The following CAST variants were observed in gnomAD, a reference collection of about 807,000 sequenced individuals.
CAST encodes the protein calpastatin.
A neutral mutation model predicts 119.6 loss-of-function variants in CAST; 76 were observed. That is an observed-to-expected ratio of 0.64 (90% CI 0.53 to 0.77). The LOEUF (loss-of-function observed/expected upper bound fraction) is 0.77. CAST is among the 30% of genes least tolerant of loss of function. CAST has a pLI of 0.00. For missense variants in CAST, 953 were observed against 946.5 expected (o/e 1.01, Z -0.09); for synonymous variants, 319 against 331.6 (o/e 0.96, Z 0.41).
chr5:96,738,990 C>T (rs1231699710), intron 11 of CAST, among the ~76,000 whole-genome samples: 1 of 147,620 alleles, frequency 6.8e-6, no homozygotes, highest in African/African-American at 2.5e-5. Flanking sequence ...TTGCAACAGA[C>T]ATAACAAAGG....
intron 16 of CAST, 108 bp downstream of exon 16, chr5:96,742,864 GTGAGCATTCTTCA>G: frequency 2.6e-6 from 2 of 780,666 alleles, no homozygotes; most frequent in Non-Finnish European, 4.4e-6. Flanking sequence ...GAGAGTAAAA[GTGAGCATTCTTCA>G]TTGTGCCTTA....
At chr5:96,754,267 T>C (rs1423204532) in intron 21 of CAST, 106 bp downstream of exon 21, 3 of 762,768 alleles carry the variant, frequency 3.9e-6, no homozygotes, top group Non-Finnish European at 6.9e-6. Flanking sequence ...CTGTAAAACA[T>C]GACCAGCTGG....
At chr5:96,123,418 CT>C in the CAST span, among the ~76,000 whole-genome samples, 1 of 152,100 alleles carries the variant, frequency 6.6e-6, no homozygotes, top group Non-Finnish European at 1.5e-5. Flanking sequence ...AAAAAATTGT[CT>C]TCCTGAAGGC....
the CAST span, among the ~76,000 whole-genome samples, chr5:96,469,919 A>G: frequency 3.5e-5 from 5 of 143,376 alleles, no homozygotes; most frequent in Non-Finnish European, 6.3e-5. Flanking sequence ...GTTTGTATAA[A>G]TTGTCCAAGG....
the CAST span, chr5:96,410,794 C>G: frequency 1.9e-6 from 3 of 1,613,964 alleles, no homozygotes; most frequent in Non-Finnish European, 2.5e-6. Flanking sequence ...TCGGTGTAAT[C>G]TCCGCTGCTG....
chr5:96,086,780 A>G, the CAST span, among the ~76,000 whole-genome samples: 4 of 152,134 alleles, frequency 2.6e-5, no homozygotes, highest in African/African-American at 9.7e-5. Flanking sequence ...GACTTTTGAG[A>G]TCACTTCTAC....
Position 96,565,473 on chromosome 5 carries a change from C to T in CAST, c.60+35593C>T, listed in dbSNP as rs1008759360. On this transcript the variant is annotated intron_variant, in intron 1 of 11. Coordinates refer to the CAST transcript ENST00000505143. ...GCATTTATTCATACACCCTTTTTCC[C>T]TCCTTATTGGACACATCCCCAAATC... 2.6e-5 allele frequency among the ~76,000 whole-genome samples: 4 copies of T among 152,116 alleles called. No individual in the cohort carries two copies. In the South Asian group the frequency reaches 8.3e-4, roughly 32 times the overall value.
intron 2 of CAST, among the ~76,000 whole-genome samples, chr5:96,683,252 A>G (rs1435216046): frequency 6.6e-6 from 1 of 152,118 alleles, no homozygotes; most frequent in East Asian, 1.9e-4. Flanking sequence ...TGGTTCACCA[A>G]TTGTGCTTTT....
rs866064405 is a variant in CAST at position 96,534,739 on chromosome 5, G to A, written c.60+4859G>A. Among the ~76,000 whole-genome samples, 7 of 22,716 alleles carry A rather than the reference G, an allele frequency of 3.1e-4. 2 individuals carry two copies. Among genetic ancestry groups the A allele is most frequent in the African/African-American group, 5.5e-4 (4 of 7,232 alleles). The allele number at this position is 22,716 out of a possible 152,430, so 14.9% of individuals were successfully genotyped here. A position where few individuals can be genotyped will look rare whatever the true frequency, so the allele number is the denominator to read the frequency against. On this transcript the variant is annotated intron_variant, in intron 1 of 11. Coordinates refer to the CAST transcript ENST00000505143. ...GGAGAGAGAGAGAGAGAGAGAGAGA[G>A]AGAAAGAAAGAAAGAAAGAAAGAAA...
At chr5:96,193,753 A>G in the CAST span, among the ~76,000 whole-genome samples, 1 of 152,234 alleles carries the variant, frequency 6.6e-6, no homozygotes. Flanking sequence ...GATTGGTCCA[A>G]ACATCAAAAT....
At chr5:96,757,274 A>T (rs912372802) in intron 22 of CAST, among the ~76,000 whole-genome samples, 170 bp from the exon 23 acceptor site, 4 of 152,198 alleles carry the variant, frequency 2.6e-5, no homozygotes, top group Admixed American at 6.5e-5. Context: ...GTTGCCATGA[A>T]CTAATTAGAG....
At chr5:96,482,374 G>A in the CAST span, among the ~76,000 whole-genome samples, 2 of 151,116 alleles carry the variant, frequency 1.3e-5, no homozygotes, top group Non-Finnish European at 1.5e-5. Flanking sequence ...ATTATGTGAA[G>A]CAATGAATGA....
At chr5:96,356,802 C>G in the CAST span, among the ~76,000 whole-genome samples, 2 of 152,106 alleles carry the variant, frequency 1.3e-5, no homozygotes, top group East Asian at 3.8e-4. Flanking sequence ...TTAGGATTGT[C>G]TTGGCTATGC....
chr5:96,428,441 A>G, the CAST span, among the ~76,000 whole-genome samples: 2 of 152,200 alleles, frequency 1.3e-5, no homozygotes, highest in African/African-American at 4.8e-5. Flanking sequence ...TGAAAATTAC[A>G]ATACTCCCAA....
chr5:96,523,449 AGTAT>A (rs1264812332), upstream of CAST, among the ~76,000 whole-genome samples: 1 of 152,250 alleles, frequency 6.6e-6, no homozygotes, highest in Non-Finnish European at 1.5e-5. Flanking sequence ...CCACATGTTC[AGTAT>A]CCTCAGACTC....
chr5:96,496,859 C>T, the CAST span, among the ~76,000 whole-genome samples: 1 of 151,658 alleles, frequency 6.6e-6, no homozygotes, highest in South Asian at 2.1e-4. Flanking sequence ...GGTGTTAGTG[C>T]TGTATTTTTT....
chr5:96,599,250 A>G (rs928966449), intron 1 of CAST, among the ~76,000 whole-genome samples: 5 of 152,210 alleles, frequency 3.3e-5, no homozygotes, highest in African/African-American at 1.2e-4. Context: ...TTAGGGGGTG[A>G]AAGAGAAGGA....
the CAST span, among the ~76,000 whole-genome samples, chr5:96,253,041 T>A: frequency 2.6e-5 from 4 of 152,156 alleles, no homozygotes; most frequent in Admixed American, 6.6e-5. Flanking sequence ...GGATCATATC[T>A]CCTGTGTTCT....
chr5:96,132,155 T>G, the CAST span, among the ~76,000 whole-genome samples: 3 of 152,040 alleles, frequency 2.0e-5, no homozygotes, highest in African/African-American at 7.2e-5. Context: ...ACAGAAGCAG[T>G]GTCAATGAGT....
Sources: allele counts gnomAD v4.1 joint callset (sites outside exome capture counted in the v4.1 genomes callset), GRCh38; gene constraint gnomAD v4.1.1; transcripts MANE v1.5; gene names NCBI Gene and HGNC (gene_info 2026-07-23, HGNC 2026-07-21).